NGLY1: variants seen among roughly 807,000 people sequenced by gnomAD.
NGLY1 encodes N-glycanase 1.
A neutral mutation model predicts 84.6 loss-of-function variants in NGLY1; 68 were observed. The observed-to-expected ratio is 0.80, with a 90% CI of 0.66 to 0.98. The LOEUF (loss-of-function observed/expected upper bound fraction) is 0.98. NGLY1 is among the 50% of genes least tolerant of loss of function. NGLY1 has a pLI of 0.00. For synonymous variants in NGLY1, 280 were observed against 275.2 expected, an observed-to-expected ratio of 1.02 and a Z score of -0.17; for missense variants, 779 against 770.2, an observed-to-expected ratio of 1.01 and a Z score of -0.14.
intron 1 of NGLY1, chr3:25,782,931 A>G: frequency 3.8e-6 from 1 of 262,190 alleles, no homozygotes; most frequent in South Asian, 5.1e-5. Context: ...AACGACGAGA[A>G]GAGCGGCAGT....
upstream of NGLY1, among the ~76,000 whole-genome samples, chr3:25,787,363 C>T (rs573027654): frequency 6.6e-6 from 1 of 152,278 alleles, no homozygotes; most frequent in Non-Finnish European, 1.5e-5. Context: ...GCCTTCAGAG[C>T]CTCGTGTTTC....
chr3:25,736,382 C>T (rs1389420784), intron 6 of NGLY1: 1 of 1,551,114 alleles, frequency 6.4e-7, no homozygotes, highest in Non-Finnish European at 8.7e-7. Context: ...CAGTTTTAGG[C>T]TTAATGTGCG....
At chr3:25,749,511 G>A in intron 4 of NGLY1, 5 of 1,579,516 alleles carry the variant, frequency 3.2e-6, no homozygotes, top group Non-Finnish European at 4.3e-6. Flanking sequence ...GACCCCTTGT[G>A]AAGCCCAAGA....
At position 25,790,031 on chromosome 3, in the gene NGLY1, T is replaced by TGGGAAAGCGCATGAGCGTACGTGCGA. The variant is rs1708692104; in HGVS notation, c.-167_-166insTCGCACGTACGCTCATGCGCTTTCCC. 5 of 834,372 alleles carry TGGGAAAGCGCATGAGCGTACGTGCGA rather than the reference T, an allele frequency of 6.0e-6. No homozygotes were observed. The African/African-American group carries it at 8.5e-5, about 14-fold the overall frequency. 51.7% of individuals were successfully genotyped at this position (834,372 alleles called of 1,614,324 possible). On this transcript the variant is annotated 5_prime_UTR_variant, in exon 1 of 12. Transcript: ENST00000417874. ...AAGAGAGTCGAACGGGACGCGTGCG[T>TGGGAAAGCGCATGAGCGTACGTGCGA]GGGAAAGCGCATGAGCGTACGTGCG...
At chr3:25,788,034 A>G (rs909435395), upstream of NGLY1, among the ~76,000 whole-genome samples, 6 of 152,188 alleles carry the variant, frequency 3.9e-5, no homozygotes, top group Non-Finnish European at 7.4e-5. Context: ...TTGTGTTATA[A>G]TAATTCCACT....
chr3:25,734,741 A>G, intron 7 of NGLY1: 1 of 875,096 alleles, frequency 1.1e-6, no homozygotes. Context: ...ATAAAACGTA[A>G]AAGCCTATAA....
chr3:25,777,212 A>G (rs1708193286), intron 2 of NGLY1, among the ~76,000 whole-genome samples: 1 of 152,166 alleles, frequency 6.6e-6, no homozygotes, highest in Admixed American at 6.5e-5. Context: ...CCTGACCAAC[A>G]TGGAGAAATC....
At chr3:25,746,397 G>T (rs1308944506) in intron 4 of NGLY1, among the ~76,000 whole-genome samples, 7 of 152,152 alleles carry the variant, frequency 4.6e-5, no homozygotes, top group African/African-American at 7.2e-5. Context: ...AAGCGTGAAA[G>T]AATATATACA....
chr3:25,759,920 ACACACAC>A (rs1707225982), intron 3 of NGLY1, among the ~76,000 whole-genome samples: 5 of 134,886 alleles, frequency 3.7e-5, no homozygotes, highest in Non-Finnish European at 6.1e-5. Flanking sequence ...TTAAAAAAAC[ACACACAC>A]ACACACACAC....
At chr3:25,734,070 A>G in intron 7 of NGLY1, 88 bp from the exon 8 acceptor site, 1 of 1,544,420 alleles carries the variant, frequency 6.5e-7, no homozygotes, top group East Asian at 2.3e-5. Flanking sequence ...TGTAATTTTT[A>G]AATGCATTTT....
intron 4 of NGLY1, among the ~76,000 whole-genome samples, chr3:25,746,932 C>T (rs903915568): frequency 2.0e-5 from 3 of 152,178 alleles, no homozygotes; most frequent in Admixed American, 6.5e-5. Flanking sequence ...CGGTTTCAAG[C>T]GATTCTCCTG....
intron 3 of NGLY1, among the ~76,000 whole-genome samples, chr3:25,756,288 C>A (rs1707032408): frequency 6.6e-6 from 1 of 152,194 alleles, no homozygotes; most frequent in South Asian, 2.1e-4. Flanking sequence ...AAGGCCATAC[C>A]TGGAATTTAA....
chr3:25,743,664 G>C (rs1273461041), intron 4 of NGLY1, among the ~76,000 whole-genome samples: 1 of 152,008 alleles, frequency 6.6e-6, no homozygotes, highest in East Asian at 1.9e-4. Context: ...CTATACACTA[G>C]ATGCTTAATA....
In NGLY1 at chr3:25,739,663, C is replaced by A. The variant is rs374184658; in HGVS notation, c.795G>T (p.Leu265=). ...GQTRSRDRSL[L]PSDDELKWGA... ...CCCACTTCAGCTCATCATCACTGGG[C>A]AGTAATGATCTATCTCTAGACCTAG... Residue 265 remains leucine (L), a synonymous_variant, in exon 5 of 12, where the codon CTG becomes CTT. Transcript: ENST00000280700. 1 of 1,613,960 alleles carries A rather than the reference C, an allele frequency of 6.2e-7. No individual in the cohort carries two copies. Among genetic ancestry groups the A allele is most frequent in the African/African-American group, 1.3e-5 (1 of 74,912 alleles).
At chr3:25,762,720 G>C (rs768582423) in intron 3 of NGLY1, among the ~76,000 whole-genome samples, 40 of 152,174 alleles carry the variant, frequency 2.6e-4, no homozygotes, top group Non-Finnish European at 5.6e-4. Flanking sequence ...GGGAGGCCAA[G>C]GCAGGTGGAT....
At chr3:25,789,984 C>T in exon 1 of NGLY1, 1 of 1,281,186 alleles carries the variant, frequency 7.8e-7, no homozygotes, top group Non-Finnish European at 1.1e-6. Flanking sequence ...CAAGGTGACG[C>T]GGCTTAAAGT....
intron 2 of NGLY1, among the ~76,000 whole-genome samples, chr3:25,766,527 T>C (rs1253986494): frequency 1.3e-5 from 2 of 152,186 alleles, no homozygotes; most frequent in Non-Finnish European, 2.9e-5. Flanking sequence ...CTTGCACAAA[T>C]AGTTGAAGGG....
intron 3 of NGLY1, among the ~76,000 whole-genome samples, chr3:25,760,616 T>C (rs1191027904): frequency 1.3e-5 from 2 of 152,048 alleles, no homozygotes; most frequent in Non-Finnish European, 2.9e-5. Context: ...ACCCAGCACT[T>C]TGGGAGGCCA....
Position 25,737,459 on chromosome 3 carries a change from G to T in NGLY1, c.882-4C>A. The T allele has an allele frequency of 6.3e-7, 1 of 1,581,154 alleles. No homozygotes were observed. Among genetic ancestry groups the T allele is most frequent in the Non-Finnish European group, 8.6e-7 (1 of 1,163,094 alleles). Reference sequence around the variant, plus strand: ...AAGTTTCTCAGGGTTATTATATCTGGTTTAAAAAGAAAAAAAACCTTAATT... The same window carrying T: ...AAGTTTCTCAGGGTTATTATATCTGTTTTAAAAAGAAAAAAAACCTTAATT... On this transcript the variant is annotated splice_region_variant and splice_polypyrimidine_tract_variant and intron_variant, in intron 5 of 11. Coordinates refer to ENST00000280700, the MANE Select transcript of NGLY1 (RefSeq NM_018297.4).
Sources: gnomAD v4.1 joint callset for allele counts (sites outside exome capture counted in the v4.1 genomes callset) on GRCh38, gnomAD v4.1.1 for gene constraint, MANE v1.5 for transcripts, NCBI Gene and HGNC (gene_info 2026-07-23, HGNC 2026-07-21) for gene names.